FRMPD3: variants seen among roughly 807,000 people sequenced by gnomAD.
FRMPD3 encodes the protein FERM and PDZ domain-containing protein 3.
Under a neutral mutation model 97.9 loss-of-function variants are expected in FRMPD3, and 42 were observed. The observed-to-expected ratio is 0.43, with a 90% confidence interval of 0.34 to 0.55. FRMPD3 has a LOEUF of 0.55. Among genes scored for constraint, FRMPD3 ranks in the 20% least tolerant of loss-of-function variants. The pLI is 0.03. For synonymous variants in FRMPD3, 577 were observed against 581.1 expected (o/e 0.99, Z 0.10); for missense variants, 1,303 against 1,457.7 (o/e 0.89, Z 1.73).
At chrX:107,517,127 A>G (rs1057152253) in intron 1 of FRMPD3, among the ~76,000 whole-genome samples, 6 of 112,162 alleles carry the variant, frequency 5.3e-5, no homozygotes, top group Non-Finnish European at 1.1e-4. Flanking sequence ...CATTTATTAA[A>G]TAGGGAATCC....
chrX:107,576,982 T>C (rs991078119), intron 13 of FRMPD3, among the ~76,000 whole-genome samples: 4 of 109,396 alleles, frequency 3.7e-5, no homozygotes, highest in Non-Finnish European at 7.6e-5. Flanking sequence ...TCCAGTAGTT[T>C]GCTCTCCTCA....
chrX:107,453,967 G>T (rs1396260666), intron 1 of FRMPD3, among the ~76,000 whole-genome samples: 1 of 111,829 alleles, frequency 8.9e-6, no homozygotes, highest in African/African-American at 3.3e-5. Flanking sequence ...GTAGGAGCAG[G>T]TGTGTCTATT....
intron 1 of FRMPD3, among the ~76,000 whole-genome samples, chrX:107,485,990 G>A (rs1431199433): frequency 1.8e-5 from 2 of 112,176 alleles, no homozygotes; most frequent in African/African-American, 6.5e-5. Context: ...TTCTCTGGCC[G>A]CGACTAAACT....
chrX:107,512,820 C>T (rs1266296708), intron 1 of FRMPD3, among the ~76,000 whole-genome samples: 1 of 112,210 alleles, frequency 8.9e-6, no homozygotes, highest in Non-Finnish European at 1.9e-5. Context: ...GAGGCTAAAA[C>T]GCAAGGATCT....
At chrX:107,476,532 G>A (rs1921205378) in intron 1 of FRMPD3, among the ~76,000 whole-genome samples, 1 of 112,199 alleles carries the variant, frequency 8.9e-6, no homozygotes, top group Non-Finnish European at 1.9e-5. Context: ...TGGTGCCAGT[G>A]CTGATGCCTT....
intron 5 of FRMPD3, among the ~76,000 whole-genome samples, chrX:107,548,610 G>A (rs1921720687): frequency 8.9e-6 from 1 of 112,930 alleles, no homozygotes; most frequent in Non-Finnish European, 1.9e-5. Context: ...CCATTTGATT[G>A]TGAAAGACAA....
chrX:107,467,148 C>T (rs1246504946), intron 1 of FRMPD3, among the ~76,000 whole-genome samples: 6 of 111,907 alleles, frequency 5.4e-5, no homozygotes, highest in Non-Finnish European at 7.5e-5. Flanking sequence ...ACATCAGGAT[C>T]ACAAGAAGTC....
intron 11 of FRMPD3, among the ~76,000 whole-genome samples, chrX:107,563,946 C>T (rs1429912398): frequency 8.9e-6 from 1 of 112,238 alleles, no homozygotes; most frequent in East Asian, 2.8e-4. Flanking sequence ...AAAGGAAATT[C>T]AAATCACCTT....
chrX:107,533,030 A>G (rs991987509), intron 3 of FRMPD3, among the ~76,000 whole-genome samples: 7 of 111,683 alleles, frequency 6.3e-5, no homozygotes, highest in South Asian at 7.6e-4. Flanking sequence ...AGTATGAGTC[A>G]TGGTGACCAA....
intron 1 of FRMPD3, among the ~76,000 whole-genome samples, chrX:107,466,443 C>T (rs948646937): frequency 2.7e-5 from 3 of 112,399 alleles, no homozygotes; most frequent in African/African-American, 9.7e-5. Context: ...CCTGCAGGGC[C>T]GTTTGTGGTC....
At chrX:107,532,021 G>A (rs758044481) in intron 3 of FRMPD3, among the ~76,000 whole-genome samples, 3 of 112,242 alleles carry the variant, frequency 2.7e-5, no homozygotes, top group Non-Finnish European at 5.6e-5. Context: ...TCCACACACC[G>A]AAGATACAGC....
intron 1 of FRMPD3, among the ~76,000 whole-genome samples, chrX:107,482,273 C>A (rs912018318): frequency 9.0e-6 from 1 of 111,463 alleles, no homozygotes. Context: ...GCCTGCTCCC[C>A]CTCCTTCTCC....
At chrX:107,506,024 C>T (rs1168220723) in intron 1 of FRMPD3, among the ~76,000 whole-genome samples, 1 of 112,176 alleles carries the variant, frequency 8.9e-6, no homozygotes, top group Non-Finnish European at 1.9e-5. Flanking sequence ...GTTGCCTGCT[C>T]CTTTAGGACT....
chrX:107,568,729 G>A (rs1922723140), intron 12 of FRMPD3, among the ~76,000 whole-genome samples: 2 of 109,020 alleles, frequency 1.8e-5, no homozygotes, highest in Admixed American at 9.8e-5. Flanking sequence ...GTGAGACTCC[G>A]TCTCAAAAAA....
At chrX:107,470,124 G>C (rs1391629357) in intron 1 of FRMPD3, among the ~76,000 whole-genome samples, 1 of 112,601 alleles carries the variant, frequency 8.9e-6, no homozygotes, top group Non-Finnish European at 1.9e-5. Flanking sequence ...TAGATCACCA[G>C]CCATTGTCAA....
Position 107,562,458 on chromosome X carries a change from G to A in FRMPD3, c.1027-653G>A, listed in dbSNP as rs1168705136. On this transcript the variant is annotated intron_variant, in intron 10 of 14. Coordinates refer to ENST00000683843, the MANE Select transcript of FRMPD3 (RefSeq NM_001388459.1). ...GCACTTGAGGGAAAGAGGGAAACAA[G>A]TGTCAGTCCTGAAGGTAACCTGGCT... Among the ~76,000 whole-genome samples, 3 of 112,610 alleles carry A rather than the reference G, an allele frequency of 2.7e-5. No individual in the cohort carries two copies. In the East Asian group the frequency reaches 8.4e-4, roughly 31 times the overall value.
intron 1 of FRMPD3, among the ~76,000 whole-genome samples, chrX:107,506,050 C>A (rs1048868158): frequency 5.3e-5 from 6 of 112,365 alleles, no homozygotes; most frequent in Non-Finnish European, 1.1e-4. Context: ...ACCGTCACCC[C>A]CTAGACACTT....
At chrX:107,500,069 G>A (rs180741241) in intron 1 of FRMPD3, among the ~76,000 whole-genome samples, 34 of 112,001 alleles carry the variant, frequency 3.0e-4, no homozygotes, top group East Asian at 2.8e-3. Context: ...AATGTATGCC[G>A]TAGAAATGTC....
rs1052021126 is a variant in FRMPD3, at chrX:107,603,996, G to A, written c.*623G>A. 3 of 110,759 alleles carry A rather than the reference G, an allele frequency of 2.7e-5. No individual in the cohort carries two copies. The highest frequency in any genetic ancestry group is 6.6e-5 in the African/African-American group (2 of 30,315). The allele number at this position is 110,759 out of a possible 1,213,427, so 9.1% of individuals were successfully genotyped here. Reference sequence around the variant, plus strand: ...CAGCCTGGTGAGCCCTCACCTCCAGGTCCAGTAGCTCCACACCAGCCATCC... The same window carrying A: ...CAGCCTGGTGAGCCCTCACCTCCAGATCCAGTAGCTCCACACCAGCCATCC... On this transcript the variant is annotated 3_prime_UTR_variant, in exon 15 of 15. Transcript: ENST00000683843.
Sources: allele counts gnomAD v4.1 joint callset (sites outside exome capture counted in the v4.1 genomes callset), GRCh38; gene constraint gnomAD v4.1.1; transcripts MANE v1.5; gene names NCBI Gene and HGNC (gene_info 2026-07-23, HGNC 2026-07-21).